Variants in LAMB1 observed in about 807,000 individuals in gnomAD.
LAMB1 encodes the protein laminin subunit beta 1, also known as laminin subunit beta-1.
Under a neutral mutation model 222.3 loss-of-function variants are expected in LAMB1, and 121 were observed. The observed-to-expected ratio is 0.54, with a 90% CI of 0.47 to 0.63. The LOEUF is 0.63. Among genes scored for constraint, LAMB1 ranks in the 30% least tolerant of loss-of-function variants. LAMB1 has a pLI of 0.00. For synonymous variants in LAMB1, 794 were observed against 807.2 expected (o/e 0.98, Z 0.28); for missense variants, 2,172 against 2,240.8 (o/e 0.97, Z 0.62).
intron 24 of LAMB1, among the ~76,000 whole-genome samples, chr7:107,944,744 C>T (rs2033079903): frequency 6.6e-6 from 1 of 152,196 alleles, no homozygotes; most frequent in Admixed American, 6.5e-5. Flanking sequence ...GAAACTCCCA[C>T]ACTCACGTGG....
intron 20 of LAMB1, among the ~76,000 whole-genome samples, chr7:107,958,763 G>A (rs2033430472): frequency 1.3e-5 from 2 of 152,116 alleles, no homozygotes; most frequent in African/African-American, 4.8e-5. Flanking sequence ...TTATTCAACT[G>A]ACATTTGCTA....
At position 107,940,035 on chromosome 7, in the gene LAMB1, C is replaced by T. The variant is rs527547789; in HGVS notation, c.3715G>A (p.Ala1239Thr). 3.0e-5 allele frequency: 48 copies of T among 1,614,068 alleles called. No individual in the cohort carries two copies. The Admixed American group carries it at 3.7e-4, about 12-fold the overall frequency. ...CCAATGTTTTTCAGTGGCTCTGCTGCGGGGCTCTGCGCCAGGATGTCTTTT... is the reference window on the plus strand; with the variant it reads ...CCAATGTTTTTCAGTGGCTCTGCTGTGGGGCTCTGCGCCAGGATGTCTTTT... Reference protein sequence around the residue: ...EIKDILAQSPAAEPLKNIGNL... With the variant: ...EIKDILAQSPTAEPLKNIGNL... The change falls in exon 25 of 34, where the codon GCA (alanine) becomes ACA (threonine). Residue 1239 changes from alanine to threonine, a missense_variant. Transcript: ENST00000222399.
rs1347866126 is a variant in LAMB1 at position 107,929,854 on chromosome 7, G to A, written c.4538-235C>T. 7.2e-6 allele frequency: 4 copies of A among 554,174 alleles called. No individual in the cohort carries two copies. The East Asian group carries it at 1.2e-4, about 17-fold the overall frequency. The allele number at this position is 554,174 out of a possible 1,614,324, so 34.3% of individuals were successfully genotyped here. Reference sequence around the variant, plus strand: ...ACTACTAGAATTTGTTTTAGGCTGGGTAGTGAGGGAAACCTTCGTGGAAGA... The same window carrying A: ...ACTACTAGAATTTGTTTTAGGCTGGATAGTGAGGGAAACCTTCGTGGAAGA... On this transcript the variant is annotated intron_variant, in intron 29 of 33. Transcript: ENST00000222399.
intron 27 of LAMB1, 139 bp from the exon 28 acceptor site, chr7:107,932,516 C>G: frequency 1.4e-6 from 1 of 728,078 alleles, no homozygotes; most frequent in Non-Finnish European, 2.4e-6. Context: ...GTTTGGGAGA[C>G]AGAATGGAGA....
rs530794546 is a variant in LAMB1, at chr7:107,997,659, G to A, written c.349+698C>T. 2.6e-5 allele frequency among the ~76,000 whole-genome samples: 4 copies of A among 152,146 alleles called. No homozygotes were observed. The East Asian group carries it at 5.8e-4, about 22-fold the overall frequency. ...ATCTAACAGTACATTGTTAATTAAC[G>A]AACACAATAACTCTACCTTTATTCC... On this transcript the variant is annotated intron_variant, in intron 4 of 33. Transcript: ENST00000222399.
At chr7:107,964,111 A>G (rs191090365) in intron 14 of LAMB1, among the ~76,000 whole-genome samples, 17 of 152,294 alleles carry the variant, frequency 1.1e-4, no homozygotes, top group African/African-American at 4.1e-4. Context: ...AAAAAGAAAA[A>G]AGAAAGGTCG....
At position 107,959,498 on chromosome 7, in the gene LAMB1, C is replaced by A. The variant is rs1264329946; in HGVS notation, c.2459-18G>T. The A allele has an allele frequency of 1.2e-6, 2 of 1,613,348 alleles. No homozygotes were observed. The highest frequency in any genetic ancestry group is 2.2e-5 in the South Asian group (2 of 91,014). ...CTCACAAGCTAAAGAAACAGGCAAA[C>A]AAGGAACTGCCTTGAGAAACTCATT... On this transcript the variant is annotated intron_variant, in intron 19 of 33. Transcript: ENST00000222399.
intron 3 of LAMB1, 26 bp from the exon 4 acceptor site, chr7:107,998,518 T>C (rs1005137461): frequency 9.4e-6 from 15 of 1,594,434 alleles, no homozygotes; most frequent in Non-Finnish European, 1.1e-5. Flanking sequence ...AGTTCATCAG[T>C]CTAGAAAGCA....
intron 3 of LAMB1, among the ~76,000 whole-genome samples, chr7:107,998,844 T>C (rs1270251588): frequency 1.3e-5 from 2 of 152,162 alleles, no homozygotes; most frequent in African/African-American, 4.8e-5. Context: ...AGAGGAGATA[T>C]TAGAGAATTT....
intron 22 of LAMB1, 84 bp from the exon 23 acceptor site, chr7:107,952,307 T>C (rs2033275495): frequency 1.0e-6 from 1 of 990,084 alleles, no homozygotes; most frequent in African/African-American, 1.6e-5. Context: ...AATGCTAAGA[T>C]GTTCCCACTT....
rs758499018 is a variant in LAMB1 at position 107,980,826 on chromosome 7, A to G, written c.677-15T>C. 1.3e-6 allele frequency: 2 copies of G among 1,535,662 alleles called. No homozygotes were observed. The highest frequency in any genetic ancestry group is 1.8e-6 in the Non-Finnish European group (2 of 1,111,468). On this transcript the variant is annotated splice_polypyrimidine_tract_variant and intron_variant, in intron 7 of 33. Coordinates refer to ENST00000222399, the MANE Select transcript of LAMB1 (RefSeq NM_002291.3). ...TTTTAATAAATCTAGGAAGGTCATC[A>G]AGAAGATGAAAAGTCTGATCAGACA...
chr7:107,925,288 G>A (rs1383358841), intron 32 of LAMB1, among the ~76,000 whole-genome samples: 1 of 152,166 alleles, frequency 6.6e-6, no homozygotes, highest in Non-Finnish European at 1.5e-5. Context: ...TAGGAACTGG[G>A]TGGGCAGGCA....
At chr7:107,954,415 C>T (rs571975863) in intron 21 of LAMB1, among the ~76,000 whole-genome samples, 1 of 151,352 alleles carries the variant, frequency 6.6e-6, no homozygotes, top group East Asian at 2.0e-4. Context: ...AGCAATCCTC[C>T]TGCCTCAGCC....
At chr7:107,949,002 T>G (rs2033185826) in intron 24 of LAMB1, among the ~76,000 whole-genome samples, 1 of 152,244 alleles carries the variant, frequency 6.6e-6, no homozygotes, top group African/African-American at 2.4e-5. Context: ...TGCAGAATAC[T>G]TAGTTTCTGT....
chr7:107,978,455 T>TAAA (rs11350102), intron 8 of LAMB1, among the ~76,000 whole-genome samples: 2 of 126,342 alleles, frequency 1.6e-5, no homozygotes, highest in East Asian at 4.6e-4. Context: ...TACTTAAAAT[T>TAAA]AAAAAAAAAA....
intron 31 of LAMB1, among the ~76,000 whole-genome samples, chr7:107,927,480 C>T (rs906857649): frequency 2.6e-5 from 4 of 152,098 alleles, no homozygotes; most frequent in Non-Finnish European, 4.4e-5. Flanking sequence ...CTATATTTCC[C>T]AGGCTGGAGT....
chr7:107,927,084 T>C (rs556417917), intron 31 of LAMB1, among the ~76,000 whole-genome samples: 1 of 152,316 alleles, frequency 6.6e-6, no homozygotes, highest in African/African-American at 2.4e-5. Context: ...TAAAATGATC[T>C]TCAAGGATGG....
Position 107,926,348 on chromosome 7 carries a change from T to C in LAMB1, c.4899A>G (p.Glu1633=), listed in dbSNP as rs1306842248. The change falls in exon 32 of 34, where the codon GAA becomes GAG. Residue 1633 remains glutamate, a synonymous_variant. Coordinates refer to ENST00000222399, the MANE Select transcript of LAMB1 (RefSeq NM_002291.3). ...ACAAGGTTTCCTCAGAAGCTGCTGT[T>C]TCAGACTCAATCTAAAAGCATGTCA... ...TQNLLTSIES[E]TAASEETLFN... 6.2e-7 allele frequency: 1 copy of C among 1,613,614 alleles called. No individual in the cohort carries two copies. The highest frequency in any genetic ancestry group is 2.2e-5 in the East Asian group (1 of 44,876).
chr7:107,979,950 G>A lies in LAMB1; in HGVS notation c.879+659C>T, dbSNP rs145973180. Among the ~76,000 whole-genome samples the A allele has an allele frequency of 2.6e-5, 4 of 152,272 alleles. No individual in the cohort carries two copies. In the East Asian group the frequency reaches 7.7e-4, roughly 29 times the overall value. Reference sequence around the variant, plus strand: ...TAGCCAGATACGGTGGCACATGCCTGTAATCCCAGCTACTTGGGAGGCTGA... The same window carrying A: ...TAGCCAGATACGGTGGCACATGCCTATAATCCCAGCTACTTGGGAGGCTGA... On this transcript the variant is annotated intron_variant, in intron 8 of 33. Transcript: ENST00000222399.
Sources: gnomAD v4.1 joint callset for allele counts (sites outside exome capture counted in the v4.1 genomes callset) on GRCh38, gnomAD v4.1.1 for gene constraint, MANE v1.5 for transcripts, NCBI Gene and HGNC (gene_info 2026-07-23, HGNC 2026-07-21) for gene names.